The following SYNPR variants were observed in gnomAD, a reference collection of about 807,000 sequenced individuals.
The protein encoded by SYNPR is synaptoporin.
SYNPR carries 23 observed loss-of-function variants against 32.9 expected under a neutral mutation model. That is an observed-to-expected ratio of 0.70 (90% CI 0.50 to 0.99). The LOEUF is 0.99. Among genes scored for constraint, SYNPR ranks in the 50% least tolerant of loss-of-function variants. The pLI, the probability that SYNPR is intolerant of heterozygous loss-of-function variation, is 0.00. For synonymous variants in SYNPR, 146 were observed against 135.9 expected, an observed-to-expected ratio of 1.07 and a Z score of -0.52; for missense variants, 318 against 349.3, an observed-to-expected ratio of 0.91 and a Z score of 0.71.
At chr3:63,553,186 C>T (rs1204380038) in intron 3 of SYNPR, among the ~76,000 whole-genome samples, 1 of 152,178 alleles carries the variant, frequency 6.6e-6, no homozygotes. Context: ...CAAGAACATG[C>T]ATATTTGGTT....
At chr3:63,245,820 T>C (rs768454749) in intron 1 of SYNPR, among the ~76,000 whole-genome samples, 48 of 151,870 alleles carry the variant, frequency 3.2e-4, no homozygotes, top group Non-Finnish European at 5.7e-4. Context: ...TTTGATTCTG[T>C]AATGGGAATA....
At chr3:63,430,984 C>T (rs1281881348) in intron 2 of SYNPR, among the ~76,000 whole-genome samples, 1 of 152,166 alleles carries the variant, frequency 6.6e-6, no homozygotes, top group Non-Finnish European at 1.5e-5. Flanking sequence ...AATCATGAAT[C>T]CCCCACAGGG....
At chr3:63,266,360 T>G (rs2086485200) in intron 2 of SYNPR, among the ~76,000 whole-genome samples, 1 of 152,056 alleles carries the variant, frequency 6.6e-6, no homozygotes, top group Non-Finnish European at 1.5e-5. Context: ...TATTTAATAT[T>G]ATGGTGCCTA....
intron 3 of SYNPR, among the ~76,000 whole-genome samples, chr3:63,269,449 C>T (rs960964274): frequency 6.6e-6 from 1 of 151,716 alleles, no homozygotes; most frequent in Non-Finnish European, 1.5e-5. Flanking sequence ...CTGCACTCTA[C>T]CCTGGGCAAC....
At chr3:63,228,269 G>C (rs1177359572), upstream of SYNPR, 3 of 152,178 alleles carry the variant, frequency 2.0e-5, no homozygotes, top group Admixed American at 2.0e-4. Flanking sequence ...CACATGGGAG[G>C]AGAGGATACT....
the SYNPR span, among the ~76,000 whole-genome samples, chr3:63,208,584 G>A: frequency 3.9e-4 from 59 of 152,280 alleles, no homozygotes; most frequent in African/African-American, 1.3e-3. Context: ...GGAGATGTCT[G>A]GTATTGATTC....
chr3:63,441,684 C>T (rs1700178897), intron 2 of SYNPR, among the ~76,000 whole-genome samples: 1 of 152,118 alleles, frequency 6.6e-6, no homozygotes, highest in African/African-American at 2.4e-5. Flanking sequence ...TGAGGGGTGG[C>T]CACAGGGGAG....
chr3:63,207,616 T>C, the SYNPR span, among the ~76,000 whole-genome samples: 1 of 152,152 alleles, frequency 6.6e-6, no homozygotes. Context: ...TAACTCAGTA[T>C]AATATGAATC....
chr3:63,383,480 G>T (rs1028413793), intron 2 of SYNPR, among the ~76,000 whole-genome samples: 14 of 152,082 alleles, frequency 9.2e-5, no homozygotes, highest in African/African-American at 3.4e-4. Context: ...ACTTTGGGAG[G>T]CCAAGGTGGG....
chr3:63,556,455 C>T (rs559693434), intron 3 of SYNPR, 88 bp from the exon 4 acceptor site: 1 of 1,188,490 alleles, frequency 8.4e-7, no homozygotes, highest in South Asian at 1.6e-5. Context: ...AGATCACATC[C>T]CATTTTGCTT....
intron 2 of SYNPR, among the ~76,000 whole-genome samples, chr3:63,347,306 C>T (rs1228927236): frequency 2.0e-5 from 3 of 152,078 alleles, no homozygotes; most frequent in African/African-American, 4.8e-5. Context: ...AAAACATTTT[C>T]GTATGGTTGC....
chr3:63,470,997 A>G (rs1700784349), intron 2 of SYNPR, among the ~76,000 whole-genome samples: 1 of 152,228 alleles, frequency 6.6e-6, no homozygotes, highest in African/African-American at 2.4e-5. Flanking sequence ...GTCATTTCAG[A>G]AAATGAAAAC....
chr3:63,498,587 C>T (rs1287647857), intron 3 of SYNPR, among the ~76,000 whole-genome samples: 2 of 152,054 alleles, frequency 1.3e-5, no homozygotes, highest in Non-Finnish European at 2.9e-5. Flanking sequence ...GAAAGATGAA[C>T]GATTGCAAAG....
intron 3 of SYNPR, among the ~76,000 whole-genome samples, chr3:63,504,135 C>T (rs1454779065): frequency 6.6e-6 from 1 of 151,964 alleles, no homozygotes; most frequent in Admixed American, 6.6e-5. Flanking sequence ...AAATATTTTA[C>T]CAAAGAATAT....
At chr3:63,330,864 CA>C (rs1383361219) in intron 2 of SYNPR, among the ~76,000 whole-genome samples, 1 of 151,988 alleles carries the variant, frequency 6.6e-6, no homozygotes, top group African/African-American at 2.4e-5. Flanking sequence ...CTTGATGATC[CA>C]CCTCATTATA....
At chr3:63,220,264 C>G in the SYNPR span, among the ~76,000 whole-genome samples, 2 of 152,164 alleles carry the variant, frequency 1.3e-5, no homozygotes, top group African/African-American at 4.8e-5. Context: ...AAACAGTCAA[C>G]AAAATTAAAA....
chr3:63,446,280 G>GTTT (rs201372951), intron 2 of SYNPR, among the ~76,000 whole-genome samples: 3 of 140,512 alleles, frequency 2.1e-5, no homozygotes, highest in Non-Finnish European at 3.1e-5. Flanking sequence ...CTCCCACCAT[G>GTTT]TTTTTTTTTT....
At position 63,547,225 on chromosome 3, in the gene SYNPR, A is replaced by G. The variant is rs7643713; in HGVS notation, c.210-9318A>G. ...TGATCCTTGTCACCTTCCACAAGTG[A>G]GTCTTACATTTCAGATCTACTCTCT... is the stretch of plus-strand genomic sequence containing the variant. On this transcript the variant is annotated intron_variant, in intron 3 of 5. Transcript: ENST00000478300. Among the ~76,000 whole-genome samples the G allele has an allele frequency of 4.0e-3, 603 of 152,258 alleles. 4 individuals are homozygous for G. The highest frequency in any genetic ancestry group is 0.014 in the African/African-American group (574 of 41,556).
intron 4 of SYNPR, among the ~76,000 whole-genome samples, chr3:63,565,843 C>T (rs928170110): frequency 6.6e-6 from 1 of 152,240 alleles, no homozygotes; most frequent in South Asian, 2.1e-4. Flanking sequence ...TACCTGTCAC[C>T]GTGTTCATTC....
Sources: allele counts gnomAD v4.1 joint callset (sites outside exome capture counted in the v4.1 genomes callset), GRCh38; gene constraint gnomAD v4.1.1; transcripts MANE v1.5; gene names NCBI Gene and HGNC (gene_info 2026-07-23, HGNC 2026-07-21).